Variants in GUCY2C observed in about 807,000 individuals in gnomAD.
GUCY2C encodes the protein guanylyl cyclase C.
In GUCY2C, 118 loss-of-function variants were observed where a neutral mutation model predicts 131.1. The observed-to-expected ratio is 0.90, with a 90% confidence interval of 0.78 to 1.05. GUCY2C has a LOEUF of 1.05. Ranked by LOEUF, GUCY2C falls within the 50% of genes least tolerant of loss-of-function variation. The pLI is 0.00. For synonymous variants in GUCY2C, 452 were observed against 457.8 expected (o/e 0.99, Z 0.16); for missense variants, 1,161 against 1,304.4 (o/e 0.89, Z 1.69).
intron 1 of GUCY2C, among the ~76,000 whole-genome samples, chr12:14,695,760 CCT>C (rs1948645072): frequency 6.6e-6 from 1 of 152,040 alleles, no homozygotes; most frequent in Non-Finnish European, 1.5e-5. Context: ...CCAAATCTTA[CCT>C]CTGAGTACAG....
chr12:14,684,610 TTCCTTCCTTCCTTCC>T (rs1565635535), intron 3 of GUCY2C, among the ~76,000 whole-genome samples: 36,435 of 91,000 alleles, frequency 0.4, 9,046 homozygotes, highest in Middle Eastern at 0.48. Context: ...CCTTCCTTCC[TTCCTTCCTTCCTTCC>T]TTCCTTTCCT....
chr12:14,635,588 A>G (rs996039044), intron 19 of GUCY2C, among the ~76,000 whole-genome samples: 6 of 152,302 alleles, frequency 3.9e-5, no homozygotes, highest in African/African-American at 1.4e-4. Flanking sequence ...CGTAGAGGGA[A>G]AGAAATAATA....
rs570710201 is a variant in GUCY2C, at chr12:14,625,722, G to C, written c.2408+35C>G. 14 of 1,603,774 alleles carry C rather than the reference G, an allele frequency of 8.7e-6. No homozygotes were observed. The South Asian group carries it at 1.5e-4, about 18-fold the overall frequency. ...ATACAATGAAAAGCAATGCTAGAGGGATTTCAGCCTCCACATCAGCAAGGC... is the reference window on the plus strand; with the variant it reads ...ATACAATGAAAAGCAATGCTAGAGGCATTTCAGCCTCCACATCAGCAAGGC... On this transcript the variant is annotated intron_variant, in intron 21 of 26. Coordinates refer to ENST00000261170, the MANE Select transcript of GUCY2C (RefSeq NM_004963.4).
At chr12:14,644,078 T>A (rs1947462273) in intron 16 of GUCY2C, among the ~76,000 whole-genome samples, 1 of 152,244 alleles carries the variant, frequency 6.6e-6, no homozygotes, top group South Asian at 2.1e-4. Context: ...AATAAAAATA[T>A]GAATAATAGT....
At chr12:14,691,179 C>G (rs886282738) in intron 1 of GUCY2C, among the ~76,000 whole-genome samples, 2 of 152,038 alleles carry the variant, frequency 1.3e-5, no homozygotes, top group African/African-American at 4.8e-5. Flanking sequence ...TTTTTAAGTT[C>G]GAAAACACTG....
chr12:14,654,115 A>C (rs1947717283), intron 12 of GUCY2C, among the ~76,000 whole-genome samples: 1 of 152,192 alleles, frequency 6.6e-6, no homozygotes, highest in Non-Finnish European at 1.5e-5. Flanking sequence ...TTTACCCTCA[A>C]ATGAATGATC....
At chr12:14,645,108 T>C in intron 16 of GUCY2C, 121 bp downstream of exon 16, 2 of 617,410 alleles carry the variant, frequency 3.2e-6, no homozygotes. Flanking sequence ...TACAACCCTA[T>C]GACATAGCTA....
intron 23 of GUCY2C, chr12:14,619,896 C>T (rs775199504): frequency 6.6e-6 from 1 of 152,478 alleles, no homozygotes; most frequent in East Asian, 1.9e-4. Context: ...CCAGGCTAGA[C>T]TATGCGCTGT....
intron 1 of GUCY2C, among the ~76,000 whole-genome samples, chr12:14,695,933 A>G (rs980492926): frequency 6.6e-6 from 1 of 152,170 alleles, no homozygotes; most frequent in Non-Finnish European, 1.5e-5. Flanking sequence ...CTGAGATTAC[A>G]GACGTGAGCC....
intron 12 of GUCY2C, among the ~76,000 whole-genome samples, chr12:14,655,679 T>C (rs1045643799): frequency 2.0e-5 from 3 of 152,170 alleles, no homozygotes; most frequent in African/African-American, 7.2e-5. Context: ...GGTCTCCATA[T>C]TCTCTTAATA....
intron 21 of GUCY2C, among the ~76,000 whole-genome samples, chr12:14,623,406 A>G (rs1472787319): frequency 6.6e-6 from 1 of 152,224 alleles, no homozygotes; most frequent in Non-Finnish European, 1.5e-5. Context: ...AATTGGTGCA[A>G]TGACAAAACT....
chr12:14,680,953 T>G (rs1948336197), intron 5 of GUCY2C, among the ~76,000 whole-genome samples: 1 of 152,104 alleles, frequency 6.6e-6, no homozygotes. Flanking sequence ...AATCAATAAA[T>G]TCATCCTCTT....
chr12:14,692,781 G>A (rs889545309), intron 1 of GUCY2C, among the ~76,000 whole-genome samples: 8 of 152,190 alleles, frequency 5.3e-5, no homozygotes, highest in Admixed American at 2.6e-4. Flanking sequence ...CCTGGGAGGC[G>A]GAGGTTGTGG....
At position 14,616,681 on chromosome 12, in the gene GUCY2C, T is replaced by G. The variant is rs1355155705; in HGVS notation, c.2922A>C (p.Arg974Ser). The change falls in exon 25 of 27, where the codon AGA (arginine) becomes AGC (serine). Residue 974 changes from arginine (R) to serine (S), a missense_variant. By Grantham distance (110) the Arg-to-Ser change is moderately radical. Coordinates refer to ENST00000261170, the MANE Select transcript of GUCY2C (RefSeq NM_004963.4). ...VSGSTIAILK[R>S]TECQFLYEVR... ...CTTCATAAAGGAACTGGCACTCAGTTCTCTTCAGGATGGCTATGGTGGAGC... is the reference window on the plus strand; with the variant it reads ...CTTCATAAAGGAACTGGCACTCAGTGCTCTTCAGGATGGCTATGGTGGAGC... 1 of 1,609,918 alleles carries G rather than the reference T, an allele frequency of 6.2e-7. No individual in the cohort carries two copies. The highest frequency in any genetic ancestry group is 1.7e-5 in the Admixed American group (1 of 59,996).
intron 18 of GUCY2C, among the ~76,000 whole-genome samples, chr12:14,640,806 G>A (rs1368886607): frequency 6.6e-6 from 1 of 152,098 alleles, no homozygotes; most frequent in Non-Finnish European, 1.5e-5. Context: ...TTCTCTTATT[G>A]GAATCAAAAG....
At chr12:14,618,240 C>T (rs1041171876) in intron 24 of GUCY2C, among the ~76,000 whole-genome samples, 1 of 152,194 alleles carries the variant, frequency 6.6e-6, no homozygotes, top group African/African-American at 2.4e-5. Flanking sequence ...TATGATGGCT[C>T]TTGCCTGTAA....
rs555531640 is a variant in GUCY2C at position 14,637,239 on chromosome 12, G to A, written c.2157+2623C>T. Among the ~76,000 whole-genome samples the A allele has an allele frequency of 4.5e-5, 6 of 134,578 alleles. No individual in the cohort carries two copies. In the East Asian group the frequency reaches 1.3e-3, roughly 30 times the overall value. 88.3% of individuals were successfully genotyped at this position (134,578 alleles called of 152,430 possible). On this transcript the variant is annotated intron_variant, in intron 19 of 26. Transcript: ENST00000261170. ...ACCTAGGAATATATTTAACAAAGAA[G>A]GTAAAAGACCTCTATAAGGAAAACT...
intron 24 of GUCY2C, 88 bp downstream of exon 24, chr12:14,619,123 A>G: frequency 2.8e-6 from 2 of 722,678 alleles, no homozygotes; most frequent in South Asian, 1.8e-5. Flanking sequence ...GGCACTTTGT[A>G]TCTCCTTATT....
intron 10 of GUCY2C, among the ~76,000 whole-genome samples, chr12:14,664,880 T>G (rs1233171718): frequency 2.0e-5 from 3 of 152,120 alleles, no homozygotes; most frequent in Non-Finnish European, 4.4e-5. Context: ...ATTCATTTAT[T>G]CATTCCAAGG....
Sources: allele counts gnomAD v4.1 joint callset (sites outside exome capture counted in the v4.1 genomes callset), GRCh38; gene constraint gnomAD v4.1.1; transcripts MANE v1.5; gene names NCBI Gene and HGNC (gene_info 2026-07-23, HGNC 2026-07-21).